Variants in RAB11FIP3 observed in about 807,000 individuals in gnomAD.
The protein encoded by RAB11FIP3 is rab11 family-interacting protein 3.
In RAB11FIP3, 17 loss-of-function variants were observed where a neutral mutation model predicts 77.8. The ratio of observed to expected loss-of-function variants is 0.22; its 90% CI spans 0.15 to 0.33. The LOEUF is 0.33. Ranked by LOEUF, RAB11FIP3 falls within the 10% of genes least tolerant of loss-of-function variation. The pLI is 1.00. For synonymous variants in RAB11FIP3, 437 were observed against 448.2 expected (o/e 0.98, Z 0.31); for missense variants, 1,005 against 1,011.2 (o/e 0.99, Z 0.08).
At chr16:469,519 C>T (rs749727577) in intron 2 of RAB11FIP3, among the ~76,000 whole-genome samples, 1 of 152,160 alleles carries the variant, frequency 6.6e-6, no homozygotes, top group Non-Finnish European at 1.5e-5. Context: ...CTCAGCCTCC[C>T]GAGTAGATGG....
rs1347222201 is a variant in RAB11FIP3 at position 461,363 on chromosome 16, G to C, written c.715-41G>C. 2 of 1,558,714 alleles carry C rather than the reference G, an allele frequency of 1.3e-6. No homozygotes were observed. Among genetic ancestry groups the C allele is most frequent in the Admixed American group, 1.8e-5 (1 of 56,720 alleles). ...AGGTCCAGGGTTGGGGACCCCTGCT[G>C]TAAAGGCTTAGGGTAACCTAGTCTC... On this transcript the variant is annotated intron_variant, in intron 1 of 13. Transcript: ENST00000262305. This position sits in a 1 kb window ranked among gnomAD's most constrained non-coding sequence, Gnocchi z 4.5.
intron 8 of RAB11FIP3, chr16:510,385 A>C (rs2032083746): frequency 2.4e-6 from 1 of 410,566 alleles, no homozygotes; most frequent in African/African-American, 2.0e-5. Context: ...TCCACAGGCC[A>C]CAAGCGGGCA....
At chr16:503,173 C>T in intron 7 of RAB11FIP3, 76 bp downstream of exon 7, 2 of 1,237,826 alleles carry the variant, frequency 1.6e-6, no homozygotes, top group Non-Finnish European at 2.3e-6. Context: ...GCTGCAGACA[C>T]CCCGGGAGGT....
chr16:515,966 C>T (rs905731577), intron 9 of RAB11FIP3, among the ~76,000 whole-genome samples: 10 of 152,202 alleles, frequency 6.6e-5, no homozygotes, highest in Admixed American at 3.3e-4. Flanking sequence ...CACCACCGAG[C>T]GCCCGGGTCC....
Position 521,126 on chromosome 16 carries a change from T to G in RAB11FIP3, c.*287T>G. On this transcript the variant is annotated 3_prime_UTR_variant, in exon 14 of 14. Coordinates refer to ENST00000262305, the MANE Select transcript of RAB11FIP3 (RefSeq NM_014700.4). ...CGCTGACCTTCCGGGGGCCCAGAGC[T>G]TCCCAGCCCTGAGTCAAGCTGGCCA... The G allele has an allele frequency of 4.0e-6, 2 of 497,072 alleles. No homozygotes were observed. The highest frequency in any genetic ancestry group is 7.3e-6 in the Non-Finnish European group (2 of 273,038). The allele number at this position is 497,072 out of a possible 1,614,324, so 30.8% of individuals were successfully genotyped here.
intron 3 of RAB11FIP3, among the ~76,000 whole-genome samples, chr16:480,237 A>G (rs2056007904): frequency 7.6e-6 from 1 of 132,288 alleles, no homozygotes; most frequent in Non-Finnish European, 1.6e-5. Flanking sequence ...GTGACTGGAG[A>G]TTGCACCACT....
At chr16:477,024 T>C (rs1447369849) in intron 3 of RAB11FIP3, among the ~76,000 whole-genome samples, 1 of 149,174 alleles carries the variant, frequency 6.7e-6, no homozygotes, top group Non-Finnish European at 1.5e-5. Flanking sequence ...AGGTAGAGGC[T>C]GCAGTGAGCT....
chr16:447,651 T>C (rs1233384699), intron 1 of RAB11FIP3, among the ~76,000 whole-genome samples: 2 of 152,106 alleles, frequency 1.3e-5, no homozygotes, highest in African/African-American at 4.8e-5. Flanking sequence ...GGCAGGAGAA[T>C]GGTGTGAACC....
chr16:507,505 C>T lies in RAB11FIP3; in HGVS notation c.1499+1878C>T, dbSNP rs888092301. ...CAAGCGATCCTCCCACCTTGGCCCC[C>T]CAAAGTGCTGAAATCAGAGGCGTGA... On this transcript the variant is annotated intron_variant, in intron 8 of 13. Coordinates refer to ENST00000262305, the MANE Select transcript of RAB11FIP3 (RefSeq NM_014700.4). This position sits in a 1 kb window ranked among gnomAD's most constrained non-coding sequence, Gnocchi z 4.6. 6.6e-6 allele frequency among the ~76,000 whole-genome samples: 1 copy of T among 152,250 alleles called. No homozygotes were observed. The highest frequency in any genetic ancestry group is 1.5e-5 in the Non-Finnish European group (1 of 68,036).
intron 4 of RAB11FIP3, among the ~76,000 whole-genome samples, chr16:486,134 C>A (rs1246589196): frequency 1.3e-5 from 2 of 152,066 alleles, no homozygotes; most frequent in African/African-American, 4.8e-5. Flanking sequence ...AAACTGCCAG[C>A]CTCAAGTGAT....
intron 1 of RAB11FIP3, among the ~76,000 whole-genome samples, chr16:452,903 C>T (rs1271890604): frequency 4.6e-5 from 3 of 64,952 alleles, no homozygotes; most frequent in South Asian, 4.4e-4. Context: ...TACAGGCGCC[C>T]GCCACCACGC....
rs745789141 is a variant in RAB11FIP3, at chr16:505,464, G to C, written c.1396-60G>C. On this transcript the variant is annotated intron_variant, in intron 7 of 13. Coordinates refer to ENST00000262305, the MANE Select transcript of RAB11FIP3 (RefSeq NM_014700.4). The surrounding 1 kb of genome is among the most constrained non-coding windows in gnomAD (Gnocchi z 4.0). ...AGGCGGCCTCCCAGGTTGTTCCCTT[G>C]GGGGTGCAGGCCCTTCTGCTTCTGG... The C allele has an allele frequency of 3.6e-6, 5 of 1,391,826 alleles. No individual in the cohort carries two copies. Among genetic ancestry groups the C allele is most frequent in the Non-Finnish European group, 4.9e-6 (5 of 1,013,682 alleles). 86.2% of individuals were successfully genotyped at this position (1,391,826 alleles called of 1,614,324 possible).
intron 1 of RAB11FIP3, among the ~76,000 whole-genome samples, chr16:460,206 C>A (rs1459162919): frequency 1.3e-5 from 2 of 152,230 alleles, no homozygotes; most frequent in East Asian, 3.9e-4. Flanking sequence ...ATAAGATTTC[C>A]TTATATATTC....
chr16:481,605 C>G (rs2056045103), intron 3 of RAB11FIP3, among the ~76,000 whole-genome samples: 1 of 128,660 alleles, frequency 7.8e-6, no homozygotes, highest in African/African-American at 3.0e-5. Context: ...CCTGGGCAAG[C>G]TCCTCCGTCA....
intron 2 of RAB11FIP3, among the ~76,000 whole-genome samples, chr16:468,874 G>C (rs1441349713): frequency 6.6e-6 from 1 of 152,170 alleles, no homozygotes; most frequent in African/African-American, 2.4e-5. Flanking sequence ...TGCCATCTGT[G>C]TTCATATCCC....
rs1567391895 is a variant in RAB11FIP3, at chr16:492,382, G to GT, written c.1265+3382_1265+3383insT. On this transcript the variant is annotated intron_variant, in intron 5 of 13. Coordinates refer to ENST00000262305, the MANE Select transcript of RAB11FIP3 (RefSeq NM_014700.4). ...GGGTCTTCCCGGGAGACCCGAGGCCGCCCAGAGCCCTCCCCGGGAGACCCG... is the reference window on the plus strand; with the variant it reads ...GGGTCTTCCCGGGAGACCCGAGGCCGTCCCAGAGCCCTCCCCGGGAGACCCG... 1.8e-3 allele frequency among the ~76,000 whole-genome samples: 254 copies of GT among 144,258 alleles called. 12 individuals carry two copies. Among genetic ancestry groups the GT allele is most frequent in the African/African-American group, 6.1e-3 (240 of 39,128 alleles). The allele number at this position is 144,258 out of a possible 152,430, so 94.6% of individuals were successfully genotyped here.
intron 1 of RAB11FIP3, among the ~76,000 whole-genome samples, chr16:456,712 G>A (rs1042738289): frequency 1.3e-5 from 2 of 152,208 alleles, no homozygotes; most frequent in East Asian, 3.9e-4. Context: ...AGCTGAGGCC[G>A]CACCACTGCA....
chr16:483,740 G>A (rs1047896187), intron 4 of RAB11FIP3, among the ~76,000 whole-genome samples: 2 of 151,960 alleles, frequency 1.3e-5, no homozygotes, highest in African/African-American at 4.8e-5. Flanking sequence ...CCTGCTGCCT[G>A]GAGGCCTCAT....
intron 3 of RAB11FIP3, among the ~76,000 whole-genome samples, chr16:481,260 C>T (rs2056036127): frequency 6.6e-6 from 1 of 151,952 alleles, no homozygotes; most frequent in African/African-American, 2.4e-5. Flanking sequence ...CTTGTAATCC[C>T]AGCACTTTGG....
Sources: gnomAD v4.1 joint callset for allele counts (sites outside exome capture counted in the v4.1 genomes callset) on GRCh38, gnomAD v4.1.1 for gene constraint, Gnocchi (gnomAD v3.1) non-coding constraint, MANE v1.5 for transcripts, NCBI Gene and HGNC (gene_info 2026-07-23, HGNC 2026-07-21) for gene names.